LSAMP: variants seen among roughly 807,000 people sequenced by gnomAD.
The protein encoded by LSAMP is limbic system associated membrane protein.
In LSAMP, 7 loss-of-function variants were observed where a neutral mutation model predicts 38.6. The observed-to-expected ratio is 0.18, with a 90% confidence interval of 0.10 to 0.34. The LOEUF is 0.34. Ranked by LOEUF, LSAMP falls within the 10% of genes least tolerant of loss-of-function variation. The probability of loss-of-function intolerance (pLI) is 1.00; values close to 1 mark genes in which losing one functional copy is unlikely to be tolerated. For missense variants in LSAMP, 313 were observed against 420.0 expected (o/e 0.75, Z 2.23); for synonymous variants, 154 against 166.8 (o/e 0.92, Z 0.59).
In LSAMP at chr3:116,235,507, G is replaced by A. The variant is rs543887131; in HGVS notation, c.156-148951C>T. ...AGGGAAGGAGAGAGGAAGAGAGAAA[G>A]AGATAGAGATAGAGATACGATGCTC... On this transcript the variant is annotated intron_variant, in intron 1 of 6. Coordinates refer to ENST00000490035, the MANE Select transcript of LSAMP (RefSeq NM_002338.5). 7.9e-5 allele frequency among the ~76,000 whole-genome samples: 12 copies of A among 152,226 alleles called. No homozygotes were observed. In the South Asian group the frequency reaches 2.3e-3, roughly 29 times the overall value.
intron 2 of LSAMP, among the ~76,000 whole-genome samples, chr3:116,061,873 A>G (rs1392967437): frequency 6.6e-6 from 1 of 152,214 alleles, no homozygotes; most frequent in African/African-American, 2.4e-5. Flanking sequence ...GCAGCAAGGT[A>G]TAAGTAGAAG....
At chr3:115,909,062 A>G (rs1937077788) in intron 3 of LSAMP, among the ~76,000 whole-genome samples, 1 of 152,088 alleles carries the variant, frequency 6.6e-6, no homozygotes, top group Non-Finnish European at 1.5e-5. Context: ...CTGAATTCCT[A>G]TGTTGTTGCT....
intron 3 of LSAMP, among the ~76,000 whole-genome samples, chr3:115,924,875 A>G (rs1468875158): frequency 1.3e-5 from 2 of 152,154 alleles, no homozygotes; most frequent in Non-Finnish European, 2.9e-5. Flanking sequence ...TCCAGGCTAG[A>G]AAATCCCCTA....
intron 3 of LSAMP, among the ~76,000 whole-genome samples, chr3:115,945,603 A>G (rs1393469176): frequency 6.6e-6 from 1 of 152,154 alleles, no homozygotes; most frequent in African/African-American, 2.4e-5. Context: ...TGCTGACACA[A>G]ACAGAATGAC....
At chr3:116,196,218 A>T (rs548004044) in intron 1 of LSAMP, among the ~76,000 whole-genome samples, 6 of 152,178 alleles carry the variant, frequency 3.9e-5, no homozygotes, top group Non-Finnish European at 8.8e-5. Context: ...GTAAGTACTC[A>T]AGGGGACAGA....
At chr3:115,811,046 G>A (rs1577027305) in intron 6 of LSAMP, among the ~76,000 whole-genome samples, 1 of 152,250 alleles carries the variant, frequency 6.6e-6, no homozygotes, top group African/African-American at 2.4e-5. Context: ...CTCTTCATTT[G>A]TCACTTTAAA....
At chr3:115,950,052 C>T (rs1428459363) in intron 3 of LSAMP, among the ~76,000 whole-genome samples, 1 of 152,072 alleles carries the variant, frequency 6.6e-6, no homozygotes, top group African/African-American at 2.4e-5. Context: ...GATGGAAACC[C>T]TCAGCAAAAT....
intron 3 of LSAMP, among the ~76,000 whole-genome samples, chr3:115,988,898 C>G (rs1224113864): frequency 6.6e-6 from 1 of 152,042 alleles, no homozygotes; most frequent in Non-Finnish European, 1.5e-5. Context: ...TTAACATATA[C>G]TTGAAAACAA....
chr3:116,277,724 C>T (rs946619800), intron 1 of LSAMP, among the ~76,000 whole-genome samples: 1 of 152,160 alleles, frequency 6.6e-6, no homozygotes, highest in Non-Finnish European at 1.5e-5. Context: ...AATCTGCCTA[C>T]CTATTTAAAT....
chr3:116,063,800 C>A (rs530873237), intron 2 of LSAMP, among the ~76,000 whole-genome samples: 33 of 152,058 alleles, frequency 2.2e-4, no homozygotes, highest in Middle Eastern at 3.2e-3. Flanking sequence ...AAGTAGGTAT[C>A]TATTGCAAAA....
At chr3:116,214,012 G>A (rs1176361667) in intron 1 of LSAMP, among the ~76,000 whole-genome samples, 1 of 152,112 alleles carries the variant, frequency 6.6e-6, no homozygotes, top group African/African-American at 2.4e-5. Context: ...GAAGGATAAT[G>A]TATTGTACAC....
At chr3:115,895,442 A>C (rs1160799666) in intron 3 of LSAMP, among the ~76,000 whole-genome samples, 1 of 152,124 alleles carries the variant, frequency 6.6e-6, no homozygotes, top group Non-Finnish European at 1.5e-5. Flanking sequence ...TTGGTTTCAC[A>C]AACTGGCTGA....
chr3:116,336,955 CAT>C (rs542169500), intron 1 of LSAMP, among the ~76,000 whole-genome samples: 38 of 151,240 alleles, frequency 2.5e-4, no homozygotes, highest in African/African-American at 7.5e-4. Context: ...CACACACACA[CAT>C]ATATATATGT....
chr3:116,175,231 T>C (rs1710308368), intron 1 of LSAMP, among the ~76,000 whole-genome samples: 2 of 152,244 alleles, frequency 1.3e-5, no homozygotes, highest in South Asian at 4.1e-4. Context: ...CTTTCTTCTT[T>C]TTCTTTCTTT....
chr3:115,863,137 G>A (rs541782070), intron 3 of LSAMP, among the ~76,000 whole-genome samples: 2 of 152,276 alleles, frequency 1.3e-5, no homozygotes, highest in East Asian at 3.9e-4. Context: ...CTATAGTCTC[G>A]AACTTGACAA....
At chr3:116,277,663 G>A (rs943831102) in intron 1 of LSAMP, among the ~76,000 whole-genome samples, 30 of 152,106 alleles carry the variant, frequency 2.0e-4, no homozygotes, top group Admixed American at 1.3e-3. Flanking sequence ...GAGCCACTGC[G>A]CCCGGCCTGC....
chr3:116,439,754 C>T (rs946903308), intron 1 of LSAMP, among the ~76,000 whole-genome samples: 3 of 152,232 alleles, frequency 2.0e-5, no homozygotes, highest in African/African-American at 4.8e-5. Context: ...GACGGAGTCT[C>T]GCTCTGTCGC....
intron 4 of LSAMP, among the ~76,000 whole-genome samples, chr3:115,847,720 G>C (rs923353806): frequency 2.6e-5 from 4 of 152,194 alleles, no homozygotes; most frequent in African/African-American, 9.7e-5. Context: ...TGAAGAATGT[G>C]CCTTGTTTCC....
At chr3:116,300,970 A>ATAAT (rs1202826175) in intron 1 of LSAMP, among the ~76,000 whole-genome samples, 1 of 151,870 alleles carries the variant, frequency 6.6e-6, no homozygotes, top group African/African-American at 2.4e-5. Context: ...AAAAATAAAT[A>ATAAT]TAATAAATAT....
Sources: gnomAD v4.1 joint callset for allele counts (sites outside exome capture counted in the v4.1 genomes callset) on GRCh38, gnomAD v4.1.1 for gene constraint, MANE v1.5 for transcripts, NCBI Gene and HGNC (gene_info 2026-07-23, HGNC 2026-07-21) for gene names.